Variants in DGKB observed in about 807,000 individuals in gnomAD.
DGKB encodes the protein diacylglycerol kinase beta, also known as 90 kDa diacylglycerol kinase.
A neutral mutation model predicts 114.3 loss-of-function variants in DGKB; 67 were observed. The ratio of observed to expected loss-of-function variants is 0.59; its 90% confidence interval spans 0.48 to 0.72. DGKB has a LOEUF of 0.72. Ranked by LOEUF, DGKB falls within the 30% of genes least tolerant of loss-of-function variation. The probability of loss-of-function intolerance (pLI) is 0.00; values close to 1 mark genes in which losing one functional copy is unlikely to be tolerated. For synonymous variants in DGKB, 398 were observed against 323.1 expected (o/e 1.23, Z -2.49); for missense variants, 907 against 975.2 (o/e 0.93, Z 0.93).
chr7:14,474,079 G>C (rs544219381), intron 21 of DGKB, among the ~76,000 whole-genome samples: 1 of 152,278 alleles, frequency 6.6e-6, no homozygotes, highest in Admixed American at 6.5e-5. Context: ...GAGGACATGA[G>C]ATTTGGGAGG....
At chr7:14,729,174 G>A (rs889421287) in intron 5 of DGKB, among the ~76,000 whole-genome samples, 14 of 139,976 alleles carry the variant, frequency 1.0e-4, no homozygotes, top group Non-Finnish European at 1.8e-4. Flanking sequence ...CCAGGCTGGA[G>A]TGCAGTGGCG....
chr7:14,323,088 T>C (rs550111885), intron 23 of DGKB, among the ~76,000 whole-genome samples: 1 of 152,182 alleles, frequency 6.6e-6, no homozygotes, highest in African/African-American at 2.4e-5. Context: ...AATGATAATG[T>C]TCATAGAAGT....
intron 23 of DGKB, among the ~76,000 whole-genome samples, chr7:14,252,194 A>T (rs1403538849): frequency 6.6e-6 from 1 of 151,908 alleles, no homozygotes; most frequent in Non-Finnish European, 1.5e-5. Context: ...TATTCTTCTT[A>T]CCCAGATCAA....
intron 17 of DGKB, among the ~76,000 whole-genome samples, chr7:14,590,961 A>G (rs376432647): frequency 6.6e-6 from 1 of 151,986 alleles, no homozygotes; most frequent in African/African-American, 2.4e-5. Flanking sequence ...CAGTAAGGAG[A>G]GTTTTTCTGC....
intron 3 of DGKB, among the ~76,000 whole-genome samples, chr7:14,754,336 A>G (rs993393214): frequency 6.6e-6 from 1 of 152,182 alleles, no homozygotes; most frequent in Non-Finnish European, 1.5e-5. Context: ...AATATGTAAC[A>G]CATACAGTGT....
At position 14,924,491 on chromosome 7, in the gene DGKB, A is replaced by G. The variant is rs796856687; in HGVS notation, c.-188+50205T>C. On this transcript the variant is annotated intron_variant, in intron 1 of 4. Coordinates refer to the DGKB transcript ENST00000437998. ...GTTCTTCTCTCCTTTTGCAGTTTTA[A>G]TCAGATATATCCATTAGACTCTTTC... Among the ~76,000 whole-genome samples the G allele has an allele frequency of 3.9e-5, 6 of 152,164 alleles. 1 individual carries two copies. Among genetic ancestry groups the G allele is most frequent in the African/African-American group, 1.4e-4 (6 of 41,504 alleles).
At chr7:14,157,881 T>G (rs1047235991) in intron 25 of DGKB, among the ~76,000 whole-genome samples, 4 of 152,200 alleles carry the variant, frequency 2.6e-5, no homozygotes, top group African/African-American at 7.2e-5. Flanking sequence ...AAAACACTTC[T>G]TTTCTTAACT....
intron 7 of DGKB, among the ~76,000 whole-genome samples, chr7:14,698,783 A>G (rs1701025859): frequency 6.6e-6 from 1 of 152,154 alleles, no homozygotes; most frequent in Non-Finnish European, 1.5e-5. Context: ...AATACAGATG[A>G]CCTGGCTAAA....
At chr7:14,506,862 T>C (rs1454992970) in intron 20 of DGKB, among the ~76,000 whole-genome samples, 4 of 152,250 alleles carry the variant, frequency 2.6e-5, no homozygotes, top group South Asian at 2.1e-4. Flanking sequence ...TGATTAGCTC[T>C]GGCCAGTGGA....
chr7:14,537,027 A>T (rs1792620846), intron 20 of DGKB, among the ~76,000 whole-genome samples: 1 of 152,270 alleles, frequency 6.6e-6, no homozygotes, highest in South Asian at 2.1e-4. Flanking sequence ...ACAAACTATG[A>T]ACTATCCCAA....
chr7:14,207,879 A>G (rs1416706284), intron 23 of DGKB, among the ~76,000 whole-genome samples: 2 of 152,034 alleles, frequency 1.3e-5, no homozygotes, highest in African/African-American at 2.4e-5. Flanking sequence ...AAAAAAATGT[A>G]AAATGAATAA....
At chr7:14,814,760 G>C (rs552741087) in intron 2 of DGKB, among the ~76,000 whole-genome samples, 1 of 150,034 alleles carries the variant, frequency 6.7e-6, no homozygotes, top group Non-Finnish European at 1.5e-5. Flanking sequence ...TGCTTAAGGT[G>C]CTTGTAAATG....
intron 2 of DGKB, among the ~76,000 whole-genome samples, chr7:14,809,094 T>C (rs1267092199): frequency 1.2e-4 from 18 of 152,174 alleles, no homozygotes; most frequent in Admixed American, 1.2e-3. Flanking sequence ...TTTCTCTTAG[T>C]ATTATCTTTA....
intron 21 of DGKB, among the ~76,000 whole-genome samples, chr7:14,467,137 T>C (rs1004473764): frequency 1.6e-4 from 24 of 150,804 alleles, no homozygotes; most frequent in South Asian, 8.3e-4. Context: ...ATATAACTAT[T>C]ATATGTTTAT....
chr7:14,806,349 G>C (rs1842792194), intron 2 of DGKB, among the ~76,000 whole-genome samples: 7 of 151,954 alleles, frequency 4.6e-5, no homozygotes, highest in Admixed American at 4.6e-4. Context: ...TATGGCTATA[G>C]AGTCTACAAT....
At chr7:14,195,491 A>G (rs1784889270) in intron 23 of DGKB, among the ~76,000 whole-genome samples, 2 of 152,156 alleles carry the variant, frequency 1.3e-5, no homozygotes, top group South Asian at 4.1e-4. Context: ...AAGCAAACAA[A>G]CAAATATTCA....
intron 18 of DGKB, among the ~76,000 whole-genome samples, chr7:14,581,305 C>T (rs1563578335): frequency 6.6e-6 from 1 of 152,150 alleles, no homozygotes; most frequent in Non-Finnish European, 1.5e-5. Flanking sequence ...TACAGAGACA[C>T]AACTAGGATG....
At chr7:14,284,044 C>T (rs1159348926) in intron 23 of DGKB, among the ~76,000 whole-genome samples, 1 of 152,080 alleles carries the variant, frequency 6.6e-6, no homozygotes, top group East Asian at 1.9e-4. Flanking sequence ...AGCTTCTGCA[C>T]AGCAAAAGAA....
chr7:14,709,961 T>A (rs565612274), intron 6 of DGKB, among the ~76,000 whole-genome samples: 4 of 138,440 alleles, frequency 2.9e-5, no homozygotes, highest in Non-Finnish European at 3.1e-5. Context: ...AAACTTAAAG[T>A]ATAATTAAAA....
Sources: allele counts gnomAD v4.1 joint callset (sites outside exome capture counted in the v4.1 genomes callset), GRCh38; gene constraint gnomAD v4.1.1; transcripts MANE v1.5; gene names NCBI Gene and HGNC (gene_info 2026-07-23, HGNC 2026-07-21).